The following DDX50 variants were observed in gnomAD, a reference collection of about 807,000 sequenced individuals.
The protein encoded by DDX50 is DExD-box helicase 50, also known as ATP-dependent RNA helicase DDX50.
In DDX50, 56 loss-of-function variants were observed where a neutral mutation model predicts 94.8. The ratio of observed to expected loss-of-function variants is 0.59; its 90% CI spans 0.48 to 0.74. The LOEUF (loss-of-function observed/expected upper bound fraction) is 0.74, where lower values mean the gene tolerates loss of function less well. Ranked by LOEUF, DDX50 falls within the 30% of genes least tolerant of loss-of-function variation. The probability of loss-of-function intolerance (pLI) is 0.00; values close to 1 mark genes in which losing one functional copy is unlikely to be tolerated. For missense variants in DDX50, 713 were observed against 881.2 expected, an observed-to-expected ratio of 0.81 and a Z score of 2.42; for synonymous variants, 264 against 295.4, an observed-to-expected ratio of 0.89 and a Z score of 1.09.
At chr10:68,927,267 T>G (rs191515848) in intron 8 of DDX50, among the ~76,000 whole-genome samples, 87 of 152,374 alleles carry the variant, frequency 5.7e-4, no homozygotes, top group African/African-American at 1.7e-3. Flanking sequence ...TATATTTGTT[T>G]ATAACTTTTT....
Position 68,906,709 on chromosome 10 carries a change from A to G in DDX50, c.88-2A>G, listed in dbSNP as rs1841455329. On this transcript the variant is annotated splice_acceptor_variant, in intron 1 of 14. Coordinates refer to ENST00000373585, the MANE Select transcript of DDX50 (RefSeq NM_024045.2). LOFTEE classifies it high-confidence loss of function. ...TGTCATTGCTTCTTTGTTTGTTCAC[A>G]GAGTGACAGAAGGAAGTCAAGGCAC... 1.2e-6 allele frequency: 2 copies of G among 1,604,048 alleles called. No individual in the cohort carries two copies. Among genetic ancestry groups the G allele is most frequent in the Non-Finnish European group, 1.7e-6 (2 of 1,177,856 alleles).
intron 8 of DDX50, among the ~76,000 whole-genome samples, chr10:68,932,553 C>G (rs1444781745): frequency 8.5e-5 from 13 of 152,170 alleles, no homozygotes; most frequent in Non-Finnish European, 2.9e-5. Flanking sequence ...AGCCACTGAG[C>G]CTGGCCTGAT....
At chr10:68,917,216 T>G (rs555498458) in intron 7 of DDX50, among the ~76,000 whole-genome samples, 2 of 152,050 alleles carry the variant, frequency 1.3e-5, no homozygotes, top group South Asian at 4.2e-4. Context: ...TCCCAGCACT[T>G]TGGGAGGACG....
rs759883396 is a variant in DDX50, at chr10:68,946,596, C to G, written c.2180C>G (p.Ser727Ter). The G allele has an allele frequency of 1.9e-6, 3 of 1,613,998 alleles. No individual in the cohort carries two copies. The highest frequency in any genetic ancestry group is 2.5e-6 in the Non-Finnish European group (3 of 1,179,984). ...AGACGAAGTGGGAATAGAAATCGAT[C>G]AAGAAGTGGGGGCCACAAACGGAGT... ...GRRRSGNRNR[S>*]RSGGHKRSFD Residue 727 changes from serine (S) to a stop codon, truncating the protein, a stop_gained, in exon 15 of 15, where the codon TCA (serine) becomes TGA (stop). Transcript: ENST00000373585. LOFTEE classifies it high-confidence loss of function.
chr10:68,930,114 CTTT>C (rs34023657), intron 8 of DDX50, among the ~76,000 whole-genome samples: 12 of 99,766 alleles, frequency 1.2e-4, no homozygotes, highest in Admixed American at 2.3e-4. Context: ...CTTTCCTTTC[CTTT>C]TTTTTTTTTT....
rs188846063 is a variant in DDX50 at position 68,946,503 on chromosome 10, G to T, written c.2087G>T (p.Arg696Leu). The T allele has an allele frequency of 1.3e-5, 21 of 1,614,180 alleles. No individual in the cohort carries two copies. In the African/African-American group the frequency reaches 2.1e-4, roughly 16 times the overall value. The change falls in exon 15 of 15, where the codon CGA (arginine) becomes CTA (leucine). Residue 696 changes from arginine (R) to leucine (L), a missense_variant. By Grantham distance (102) the Arg-to-Leu change is moderately radical. Transcript: ENST00000373585. ...GGCCGGTCAGGCCGGTCAGGTGGTCGATCTGGCGGCCGGTCAGGTAGACAG... is the reference window on the plus strand; with the variant it reads ...GGCCGGTCAGGCCGGTCAGGTGGTCTATCTGGCGGCCGGTCAGGTAGACAG... ...RSGRSGRSGG[R>L]SGGRSGRQSR...
intron 8 of DDX50, among the ~76,000 whole-genome samples, chr10:68,929,292 C>T (rs1347400751): frequency 8.2e-6 from 1 of 122,546 alleles, no homozygotes; most frequent in South Asian, 2.6e-4. Context: ...TTCCTTCCTT[C>T]CTCTCTCTCT....
At chr10:68,928,545 C>T (rs551781390) in intron 8 of DDX50, among the ~76,000 whole-genome samples, 25 of 152,108 alleles carry the variant, frequency 1.6e-4, no homozygotes, top group Admixed American at 1.2e-3. Context: ...AAGCATTTTG[C>T]GTAGTGCATT....
chr10:68,929,295 C>T (rs12780698), intron 8 of DDX50, among the ~76,000 whole-genome samples: 12,385 of 56,216 alleles, frequency 0.22, 612 homozygotes, highest in East Asian at 0.33. Flanking sequence ...CTTCCTTCCT[C>T]TCTCTCTCTC....
chr10:68,906,629 G>A, intron 1 of DDX50, 82 bp from the exon 2 acceptor site: 1 of 1,457,306 alleles, frequency 6.9e-7, no homozygotes, highest in Admixed American at 2.2e-5. Context: ...CTGAACTGGT[G>A]GGGGAGTCAT....
intron 1 of DDX50, 127 bp from the exon 2 acceptor site, chr10:68,906,584 T>C (rs1228117742): frequency 1.8e-5 from 18 of 998,240 alleles, no homozygotes; most frequent in South Asian, 1.7e-4. Flanking sequence ...TCTGGATTTC[T>C]ACCAGGCAGG....
In DDX50 at chr10:68,906,703, G is replaced by A; in HGVS notation, c.88-8G>A. ...CCATCTTGTCATTGCTTCTTTGTTT[G>A]TTCACAGAGTGACAGAAGGAAGTCA... On this transcript the variant is annotated splice_region_variant and splice_polypyrimidine_tract_variant and intron_variant, in intron 1 of 14. Coordinates refer to ENST00000373585, the MANE Select transcript of DDX50 (RefSeq NM_024045.2). 1 of 1,601,236 alleles carries A rather than the reference G, an allele frequency of 6.2e-7. No individual in the cohort carries two copies. Among genetic ancestry groups the A allele is most frequent in the Non-Finnish European group, 8.5e-7 (1 of 1,177,206 alleles).
chr10:68,932,446 G>C (rs1842297458), intron 8 of DDX50, among the ~76,000 whole-genome samples: 1 of 152,068 alleles, frequency 6.6e-6, no homozygotes, highest in South Asian at 2.1e-4. Context: ...TTTTAGTAGA[G>C]ATGAGGTTTC....
At chr10:68,923,452 T>TG (rs1841995908) in intron 8 of DDX50, among the ~76,000 whole-genome samples, 1 of 151,418 alleles carries the variant, frequency 6.6e-6, no homozygotes, top group African/African-American at 2.4e-5. Context: ...GTGATCCACT[T>TG]GCCTCTGCCT....
At chr10:68,905,424 A>G (rs926816577) in intron 1 of DDX50, among the ~76,000 whole-genome samples, 1 of 151,936 alleles carries the variant, frequency 6.6e-6, no homozygotes, top group African/African-American at 2.4e-5. Flanking sequence ...TATGAATTAT[A>G]TAGTTTCTTT....
intron 8 of DDX50, among the ~76,000 whole-genome samples, chr10:68,922,364 T>G (rs1841964103): frequency 6.6e-6 from 1 of 152,222 alleles, no homozygotes; most frequent in Non-Finnish European, 1.5e-5. Flanking sequence ...GTTGTGTTTA[T>G]TCAGTCTTTT....
chr10:68,922,748 G>A (rs1028217072), intron 8 of DDX50, among the ~76,000 whole-genome samples: 1 of 151,848 alleles, frequency 6.6e-6, no homozygotes, highest in African/African-American at 2.4e-5. Flanking sequence ...AGCTGTGATC[G>A]TGATGCTGTA....
intron 7 of DDX50, among the ~76,000 whole-genome samples, chr10:68,918,826 A>G (rs1381180483): frequency 6.6e-6 from 1 of 152,256 alleles, no homozygotes; most frequent in Non-Finnish European, 1.5e-5. Context: ...CATGTGCTGC[A>G]TAACGATGTT....
intron 8 of DDX50, among the ~76,000 whole-genome samples, chr10:68,929,395 CT>C (rs528264470): frequency 6.9e-6 from 1 of 144,870 alleles, no homozygotes; most frequent in Non-Finnish European, 1.5e-5. Context: ...CCTTTCCTTT[CT>C]TTCCTTTCTT....
Sources: allele counts gnomAD v4.1 joint callset (sites outside exome capture counted in the v4.1 genomes callset), GRCh38; gene constraint gnomAD v4.1.1; transcripts MANE v1.5; gene names NCBI Gene and HGNC (gene_info 2026-07-23, HGNC 2026-07-21).